BMPR1B: variants seen among roughly 807,000 people sequenced by gnomAD.
BMPR1B encodes the protein bone morphogenetic protein receptor type 1B, also known as bone morphogenetic protein receptor type-1B.
In BMPR1B, 12 loss-of-function variants were observed where a neutral mutation model predicts 59.1. The ratio of observed to expected loss-of-function variants is 0.20; its 90% CI spans 0.13 to 0.33. The LOEUF (loss-of-function observed/expected upper bound fraction) is 0.33, where lower values mean the gene tolerates loss of function less well. Ranked by LOEUF, BMPR1B falls within the 10% of genes least tolerant of loss-of-function variation. The probability of loss-of-function intolerance (pLI) is 1.00; values close to 1 mark genes in which losing one functional copy is unlikely to be tolerated. For missense variants in BMPR1B, 550 were observed against 610.9 expected, an observed-to-expected ratio of 0.90 and a Z score of 1.05; for synonymous variants, 237 against 207.3, an observed-to-expected ratio of 1.14 and a Z score of -1.23.
chr4:94,970,241 C>A (rs183343788), intron 2 of BMPR1B, among the ~76,000 whole-genome samples: 170 of 33,398 alleles, frequency 5.1e-3, no homozygotes, highest in Non-Finnish European at 9.8e-3. Flanking sequence ...GTTTGTTTTT[C>A]TTCTCTTCTC....
chr4:94,947,900 C>T (rs1288970587), intron 2 of BMPR1B, among the ~76,000 whole-genome samples: 1 of 152,184 alleles, frequency 6.6e-6, no homozygotes, highest in African/African-American at 2.4e-5. Context: ...TTCCATTACT[C>T]ATAGATTCAG....
chr4:94,894,761 G>A (rs1727524673), intron 2 of BMPR1B, among the ~76,000 whole-genome samples: 1 of 151,314 alleles, frequency 6.6e-6, no homozygotes, highest in African/African-American at 2.4e-5. Flanking sequence ...TAAACTTGTT[G>A]TATTTCTTCA....
intron 10 of BMPR1B, among the ~76,000 whole-genome samples, chr4:95,134,134 G>T (rs1733593385): frequency 6.6e-6 from 1 of 152,082 alleles, no homozygotes; most frequent in South Asian, 2.1e-4. Context: ...TTGGTTTTCT[G>T]TCCTTGCGAT....
intron 3 of BMPR1B, among the ~76,000 whole-genome samples, chr4:95,084,006 C>T (rs1456558084): frequency 6.6e-6 from 1 of 151,940 alleles, no homozygotes; most frequent in Non-Finnish European, 1.5e-5. Context: ...GACATTTTCC[C>T]CTTTCTCTAA....
At chr4:94,775,008 G>A (rs1351673363) in intron 1 of BMPR1B, among the ~76,000 whole-genome samples, 1 of 151,894 alleles carries the variant, frequency 6.6e-6, no homozygotes, top group African/African-American at 2.4e-5. Flanking sequence ...TCTGGGACAC[G>A]AAAAAGGAAA....
chr4:94,945,953 T>G (rs1010119492), intron 2 of BMPR1B, among the ~76,000 whole-genome samples: 3 of 152,146 alleles, frequency 2.0e-5, no homozygotes, highest in Non-Finnish European at 4.4e-5. Flanking sequence ...AATAGCTAAG[T>G]GATAACTTTG....
At chr4:95,129,587 C>G (rs967594566) in intron 8 of BMPR1B, among the ~76,000 whole-genome samples, 2 of 151,770 alleles carry the variant, frequency 1.3e-5, no homozygotes, top group Admixed American at 1.3e-4. Context: ...TGAGCCTACT[C>G]AGGTTTTTTC....
In BMPR1B at chr4:94,780,398, C is replaced by G. The variant is rs146086222; in HGVS notation, c.-183+22330C>G. Among the ~76,000 whole-genome samples the G allele has an allele frequency of 3.6e-3, 549 of 152,212 alleles. 2 individuals are homozygous for G. Among genetic ancestry groups the G allele is most frequent in the African/African-American group, 0.013 (529 of 41,538 alleles). On this transcript the variant is annotated intron_variant, in intron 1 of 12. Transcript: ENST00000515059. ...GATAATATCCCATTGCATAGATAGA[C>G]TATATATTTATACATTCATTAGTTG...
intron 3 of BMPR1B, among the ~76,000 whole-genome samples, chr4:95,001,433 A>G (rs1185421206): frequency 6.6e-6 from 1 of 152,148 alleles, no homozygotes; most frequent in Non-Finnish European, 1.5e-5. Flanking sequence ...CTAATGACAG[A>G]TACCCTTTCT....
intron 3 of BMPR1B, among the ~76,000 whole-genome samples, chr4:95,074,355 G>A (rs367685208): frequency 3.3e-5 from 5 of 152,140 alleles, no homozygotes; most frequent in South Asian, 4.1e-4. Context: ...TGCCTGGAAC[G>A]CTGGTTTTGT....
chr4:94,965,851 G>T (rs895791513), intron 2 of BMPR1B, among the ~76,000 whole-genome samples: 7 of 152,102 alleles, frequency 4.6e-5, no homozygotes, highest in African/African-American at 1.4e-4. Context: ...GCACTCAACA[G>T]CTCTGATCAG....
intron 2 of BMPR1B, among the ~76,000 whole-genome samples, chr4:94,898,532 G>GT (rs1727676653): frequency 6.6e-6 from 1 of 151,930 alleles, no homozygotes; most frequent in South Asian, 2.1e-4. Flanking sequence ...TTTGCTCAGC[G>GT]TTTCTTTTTC....
chr4:95,032,731 G>GCC (rs1724965334), intron 3 of BMPR1B, among the ~76,000 whole-genome samples: 1 of 152,136 alleles, frequency 6.6e-6, no homozygotes, highest in African/African-American at 2.4e-5. Context: ...ATAATATTCT[G>GCC]TTGTAGTGTA....
chr4:95,067,906 G>A (rs1727966883), intron 3 of BMPR1B, among the ~76,000 whole-genome samples: 2 of 152,184 alleles, frequency 1.3e-5, no homozygotes, highest in Admixed American at 6.5e-5. Context: ...GACTTAAAGG[G>A]AGGTCTGAAT....
At chr4:94,891,390 T>G (rs1727388126) in intron 2 of BMPR1B, among the ~76,000 whole-genome samples, 1 of 152,124 alleles carries the variant, frequency 6.6e-6, no homozygotes, top group African/African-American at 2.4e-5. Flanking sequence ...AAAATAAATG[T>G]GAAGTTTTAT....
At chr4:95,096,055 T>G (rs1266428529) in intron 3 of BMPR1B, among the ~76,000 whole-genome samples, 1 of 150,644 alleles carries the variant, frequency 6.6e-6, no homozygotes, top group African/African-American at 2.4e-5. Flanking sequence ...CATTTTGTTT[T>G]TTCTGCAAAA....
At chr4:95,105,633 A>G (rs1731149189) in intron 4 of BMPR1B, among the ~76,000 whole-genome samples, 1 of 152,070 alleles carries the variant, frequency 6.6e-6, no homozygotes, top group Admixed American at 6.6e-5. Context: ...GGGTGTATTC[A>G]TAAATATATA....
intron 3 of BMPR1B, among the ~76,000 whole-genome samples, chr4:95,014,658 T>C (rs1243926929): frequency 6.6e-6 from 1 of 152,230 alleles, no homozygotes; most frequent in Non-Finnish European, 1.5e-5. Flanking sequence ...CATTATAATA[T>C]CAGAATTCTA....
Position 94,774,870 on chromosome 4 carries a change from C to T in BMPR1B, c.-183+16802C>T, listed in dbSNP as rs376253769. ...AAGATGCTTGGTCAGTGTTGATTAA[C>T]TGACTTTCTTTTGTATGGTTCTGAT... On this transcript the variant is annotated intron_variant, in intron 1 of 12. Transcript: ENST00000515059. Among the ~76,000 whole-genome samples the T allele has an allele frequency of 1.4e-3, 210 of 152,190 alleles. 1 individual carries two copies. In the Middle Eastern group the frequency reaches 0.027, roughly 20 times the overall value.
Sources: gnomAD v4.1 joint callset for allele counts (sites outside exome capture counted in the v4.1 genomes callset) on GRCh38, gnomAD v4.1.1 for gene constraint, MANE v1.5 for transcripts, NCBI Gene and HGNC (gene_info 2026-07-23, HGNC 2026-07-21) for gene names.